Variants in HMOX2 observed in about 807,000 individuals in gnomAD.
The protein encoded by HMOX2 is heme oxygenase (decycling) 2.
HMOX2 carries 30 observed loss-of-function variants against 33.7 expected under a neutral mutation model. That is an observed-to-expected ratio of 0.89 (90% CI 0.67 to 1.21). HMOX2 has a LOEUF of 1.21. Ranked by LOEUF, HMOX2 falls within the 50% of genes most tolerant of loss-of-function variation. The pLI is 0.00. For synonymous variants in HMOX2, 155 were observed against 155.0 expected (o/e 1.00, Z 0.00); for missense variants, 403 against 399.1 (o/e 1.01, Z -0.08).
chr16:4,495,534 G>A (rs2058397719), intron 1 of HMOX2: 1 of 152,166 alleles, frequency 6.6e-6, no homozygotes, highest in African/African-American at 2.4e-5. Context: ...TAGGCCTGTG[G>A]AAACGTGTAA....
chr16:4,505,695 A>G (rs2058674115), intron 2 of HMOX2, 85 bp downstream of exon 2: 1 of 994,278 alleles, frequency 1.0e-6, no homozygotes, highest in Non-Finnish European at 1.5e-6. Flanking sequence ...TGTTGGCAGC[A>G]CTGGGGAGTG....
At chr16:4,503,908 G>C (rs2058621910) in intron 1 of HMOX2, among the ~76,000 whole-genome samples, 1 of 152,156 alleles carries the variant, frequency 6.6e-6, no homozygotes, top group Admixed American at 6.5e-5. Context: ...CCTTGGCCCA[G>C]TTTGGCCTGA....
intron 4 of HMOX2, among the ~76,000 whole-genome samples, chr16:4,508,731 A>G (rs2058756488): frequency 3.9e-5 from 6 of 152,082 alleles, no homozygotes; most frequent in Admixed American, 3.3e-4. Context: ...TCATTCTCCC[A>G]TGTTCCAGGT....
Position 4,505,628 on chromosome 16 carries a change from G to A in HMOX2, c.86+18G>A, listed in dbSNP as rs758713219. 2.6e-6 allele frequency: 4 copies of A among 1,547,536 alleles called. No individual in the cohort carries two copies. Among genetic ancestry groups the A allele is most frequent in the East Asian group, 2.4e-5 (1 of 42,342 alleles). On this transcript the variant is annotated intron_variant, in intron 2 of 5. Transcript: ENST00000570646. Reference sequence around the variant, plus strand: ...CAAATGAGGTGAGCGATGGGGGCTGGCTGCACTGAATCAGGTGGGCCCAGC... The same window carrying A: ...CAAATGAGGTGAGCGATGGGGGCTGACTGCACTGAATCAGGTGGGCCCAGC...
Position 4,510,038 on chromosome 16 carries a change from C to CT in HMOX2, c.*282_*283insT. ...ACTCCAGGCTTCCACACTTCTGGGC[C>CT]CTAGGCTGCTTCCGGTAGTCCCTGT... On this transcript the variant is annotated 3_prime_UTR_variant, in exon 6 of 6. Coordinates refer to ENST00000570646, the MANE Select transcript of HMOX2 (RefSeq NM_002134.4). 1 of 478,600 alleles carries CT rather than the reference C, an allele frequency of 2.1e-6. No homozygotes were observed. Among genetic ancestry groups the CT allele is most frequent in the Non-Finnish European group, 3.8e-6 (1 of 265,584 alleles). The allele number at this position is 478,600 out of a possible 1,614,324, so 29.6% of individuals were successfully genotyped here. A position where few individuals can be genotyped will look rare whatever the true frequency, so the allele number is the denominator to read the frequency against.
At chr16:4,501,451 C>T (rs983065067) in intron 1 of HMOX2, among the ~76,000 whole-genome samples, 1 of 152,088 alleles carries the variant, frequency 6.6e-6, no homozygotes, top group African/African-American at 2.4e-5. Flanking sequence ...TGTTCTTAGG[C>T]TGTGTGTTGT....
chr16:4,485,834 C>T (rs549419144), intron 1 of HMOX2, among the ~76,000 whole-genome samples: 16 of 152,276 alleles, frequency 1.1e-4, no homozygotes, highest in African/African-American at 3.9e-4. Flanking sequence ...AAACAATTCT[C>T]CTACCTCTGC....
At chr16:4,492,749 C>CA (rs2058334516) in intron 1 of HMOX2, among the ~76,000 whole-genome samples, 2 of 151,022 alleles carry the variant, frequency 1.3e-5, no homozygotes, top group African/African-American at 2.4e-5. Flanking sequence ...ACAAAAAACA[C>CA]AAAAAAGGCT....
chr16:4,492,880 T>C (rs939014182), intron 1 of HMOX2, among the ~76,000 whole-genome samples: 1 of 151,700 alleles, frequency 6.6e-6, no homozygotes, highest in Non-Finnish European at 1.5e-5. Context: ...CTACTAAAAA[T>C]ACAAAAATTA....
At chr16:4,498,061 CTTTTTTTTTTTTT>C (rs35332500) in intron 1 of HMOX2, among the ~76,000 whole-genome samples, 1 of 104,426 alleles carries the variant, frequency 9.6e-6, no homozygotes, top group South Asian at 3.1e-4. Flanking sequence ...GATTCATTGT[CTTTTTTTTTTTTT>C]TTTTTTTTTT....
chr16:4,504,867 T>C (rs906829873), intron 1 of HMOX2, among the ~76,000 whole-genome samples: 2 of 151,250 alleles, frequency 1.3e-5, no homozygotes, highest in Admixed American at 6.6e-5. Context: ...TTTTTGTATT[T>C]TTAGTAGAGA....
intron 1 of HMOX2, among the ~76,000 whole-genome samples, chr16:4,491,629 G>T (rs2058308371): frequency 6.6e-6 from 1 of 152,036 alleles, no homozygotes. Context: ...TCCAGCCTGG[G>T]TGACAAAGTG....
At position 4,500,378 on chromosome 16, in the gene HMOX2, G is replaced by C. The variant is rs535811288; in HGVS notation, c.-41-5106G>C. Among the ~76,000 whole-genome samples the C allele has an allele frequency of 2.0e-5, 3 of 152,268 alleles. No homozygotes were observed. In the East Asian group the frequency reaches 5.8e-4, roughly 29 times the overall value. ...CACTTAGCCTCCCTGTGTTTGTGGGGTAACAACCCGAGTTCATGTTGTGGG... is the reference window on the plus strand; with the variant it reads ...CACTTAGCCTCCCTGTGTTTGTGGGCTAACAACCCGAGTTCATGTTGTGGG... On this transcript the variant is annotated intron_variant, in intron 1 of 5. Transcript: ENST00000570646.
intron 1 of HMOX2, among the ~76,000 whole-genome samples, chr16:4,484,474 TTTTTGA>T (rs1316556288): frequency 1.0e-4 from 15 of 147,920 alleles, no homozygotes; most frequent in Admixed American, 4.7e-4. Flanking sequence ...TTTTTTTTTT[TTTTTGA>T]GACGGAGTCT....
At chr16:4,491,546 G>C (rs1260727922) in intron 1 of HMOX2, among the ~76,000 whole-genome samples, 2 of 151,962 alleles carry the variant, frequency 1.3e-5, no homozygotes, top group South Asian at 4.2e-4. Context: ...CAGGTACTTG[G>C]GGGGCTGAGG....
intron 1 of HMOX2, among the ~76,000 whole-genome samples, chr16:4,482,030 C>G (rs371031811): frequency 2.0e-5 from 3 of 152,182 alleles, no homozygotes; most frequent in Non-Finnish European, 4.4e-5. Context: ...AACCTTTACT[C>G]TCTTCTTTTT....
At chr16:4,503,741 A>G (rs2058617755) in intron 1 of HMOX2, among the ~76,000 whole-genome samples, 3 of 152,240 alleles carry the variant, frequency 2.0e-5, no homozygotes, top group Admixed American at 2.0e-4. Context: ...ATAATATCCT[A>G]AAAGATAACA....
At chr16:4,480,629 C>T (rs1045059964) in intron 1 of HMOX2, among the ~76,000 whole-genome samples, 8 of 149,980 alleles carry the variant, frequency 5.3e-5, no homozygotes, top group African/African-American at 7.4e-5. Context: ...GTGGAGCGAC[C>T]GTGCCCGGCT....
At chr16:4,498,547 T>C (rs2058479422) in intron 1 of HMOX2, among the ~76,000 whole-genome samples, 1 of 152,022 alleles carries the variant, frequency 6.6e-6, no homozygotes, top group African/African-American at 2.4e-5. Context: ...GCTAATTATT[T>C]TATTTTTCGT....
Sources: gnomAD v4.1 joint callset for allele counts (sites outside exome capture counted in the v4.1 genomes callset) on GRCh38, gnomAD v4.1.1 for gene constraint, MANE v1.5 for transcripts, NCBI Gene and HGNC (gene_info 2026-07-23, HGNC 2026-07-21) for gene names.